The following COX10 variants were observed in gnomAD, a reference collection of about 807,000 sequenced individuals.
COX10 encodes the protein cytochrome c oxidase assembly factor heme A:farnesyltransferase COX10, also known as protoheme IX farnesyltransferase, mitochondrial.
In COX10, 27 loss-of-function variants were observed where a neutral mutation model predicts 37.3. The observed-to-expected ratio is 0.72, with a 90% CI of 0.53 to 1.00. COX10 has a LOEUF of 1.00. Ranked by LOEUF, COX10 falls within the 50% of genes least tolerant of loss-of-function variation. The pLI is 0.00. For missense variants in COX10, 475 were observed against 563.2 expected (o/e 0.84, Z 1.59); for synonymous variants, 222 against 229.1 (o/e 0.97, Z 0.28).
intron 3 of COX10, among the ~76,000 whole-genome samples, chr17:14,085,541 AT>A (rs1331702536): frequency 6.6e-6 from 1 of 151,872 alleles, no homozygotes; most frequent in Non-Finnish European, 1.5e-5. Context: ...CCTTTTACAT[AT>A]TTTTTTCTCA....
chr17:14,174,135 T>A, intron 5 of COX10, among the ~76,000 whole-genome samples: 1 of 150,308 alleles, frequency 6.7e-6, no homozygotes, highest in African/African-American at 2.4e-5. Context: ...TAGAAAGAAG[T>A]CTTAAACTCA....
intron 3 of COX10, among the ~76,000 whole-genome samples, chr17:14,095,657 G>A (rs978619930): frequency 2.0e-5 from 3 of 152,180 alleles, no homozygotes; most frequent in Admixed American, 2.0e-4. Flanking sequence ...CCTGCTCAGG[G>A]TCTAACCGGG....
chr17:14,180,945 T>C (rs190699120), intron 5 of COX10, among the ~76,000 whole-genome samples: 3 of 152,204 alleles, frequency 2.0e-5, no homozygotes, highest in Admixed American at 6.5e-5. Flanking sequence ...TAAAGATGAA[T>C]AGTGCAAAGT....
At chr17:14,149,137 T>A (rs1351408825) in intron 4 of COX10, among the ~76,000 whole-genome samples, 2 of 151,666 alleles carry the variant, frequency 1.3e-5, no homozygotes, top group East Asian at 3.9e-4. Context: ...GCCCTAGATT[T>A]TTGTCATGTG....
intron 5 of COX10, among the ~76,000 whole-genome samples, chr17:14,178,935 G>T (rs1905770347): frequency 6.6e-6 from 1 of 152,190 alleles, no homozygotes; most frequent in Admixed American, 6.5e-5. Context: ...AGTACCTAAG[G>T]CAAAGGGAAG....
chr17:14,112,906 G>A (rs1916035535), intron 4 of COX10, among the ~76,000 whole-genome samples: 2 of 152,146 alleles, frequency 1.3e-5, no homozygotes, highest in South Asian at 4.1e-4. Context: ...CAGGAGGGCA[G>A]GCCGAGAAGG....
intron 4 of COX10, among the ~76,000 whole-genome samples, chr17:14,154,780 G>A (rs968001717): frequency 6.6e-6 from 1 of 152,132 alleles, no homozygotes; most frequent in Admixed American, 6.5e-5. Flanking sequence ...CCCATTTGCC[G>A]CTGAGGAAAC....
chr17:14,139,542 G>A (rs1904478853), intron 4 of COX10, among the ~76,000 whole-genome samples: 1 of 152,122 alleles, frequency 6.6e-6, no homozygotes, highest in African/African-American at 2.4e-5. Flanking sequence ...AGTTTCACAT[G>A]AAATAACCTA....
At chr17:14,143,755 A>G (rs747956377) in intron 4 of COX10, among the ~76,000 whole-genome samples, 2 of 152,008 alleles carry the variant, frequency 1.3e-5, no homozygotes, top group Non-Finnish European at 2.9e-5. Context: ...TTAAAGGTGT[A>G]CTCTGTGTTC....
intron 5 of COX10, among the ~76,000 whole-genome samples, chr17:14,167,188 G>C (rs1343357783): frequency 6.6e-6 from 1 of 152,146 alleles, no homozygotes; most frequent in East Asian, 1.9e-4. Context: ...GCAAGAGAAT[G>C]AGAATTAGAA....
At chr17:14,069,702 C>T (rs1914966874) in intron 1 of COX10, 54 bp downstream of exon 1, 6 of 1,607,958 alleles carry the variant, frequency 3.7e-6, no homozygotes, top group African/African-American at 1.3e-5. Flanking sequence ...CTTATTACCA[C>T]GTGCGAGGCC....
chr17:14,176,717 T>A (rs942807139), intron 5 of COX10, among the ~76,000 whole-genome samples: 1 of 152,062 alleles, frequency 6.6e-6, no homozygotes, highest in Admixed American at 6.6e-5. Flanking sequence ...ATAAACTGAA[T>A]AAACTGCAGC....
At chr17:14,106,921 A>C (rs1346913474) in intron 4 of COX10, among the ~76,000 whole-genome samples, 1 of 152,194 alleles carries the variant, frequency 6.6e-6, no homozygotes, top group Non-Finnish European at 1.5e-5. Flanking sequence ...AATGTTTTAC[A>C]GTGCAGATGT....
chr17:14,084,288 A>G (rs1002339545), intron 3 of COX10, among the ~76,000 whole-genome samples: 1 of 152,100 alleles, frequency 6.6e-6, no homozygotes, highest in African/African-American at 2.4e-5. Context: ...ACTAAATGTT[A>G]TAGTATTATT....
intron 6 of COX10, among the ~76,000 whole-genome samples, chr17:14,203,643 T>G (rs1416913345): frequency 6.6e-6 from 1 of 152,234 alleles, no homozygotes; most frequent in African/African-American, 2.4e-5. Flanking sequence ...AAGGAGGAGC[T>G]GGTTCCTTCT....
chr17:14,155,403 G>A (rs1008294306), intron 4 of COX10, among the ~76,000 whole-genome samples: 6 of 151,538 alleles, frequency 4.0e-5, no homozygotes, highest in South Asian at 2.1e-4. Context: ...GGCTGCACAC[G>A]TAGTGGTTTT....
chr17:14,113,098 A>G (rs1017265555), intron 4 of COX10, among the ~76,000 whole-genome samples: 1 of 152,174 alleles, frequency 6.6e-6, no homozygotes, highest in South Asian at 2.1e-4. Flanking sequence ...TTCGCTGTCC[A>G]CGTCCGAACT....
At position 14,140,380 on chromosome 17, in the gene COX10, T is replaced by C. The variant is rs576168585; in HGVS notation, c.625-19497T>C. Among the ~76,000 whole-genome samples, 7 of 152,256 alleles carry C rather than the reference T, an allele frequency of 4.6e-5. No homozygotes were observed. The South Asian group carries it at 1.5e-3, about 32-fold the overall frequency. On this transcript the variant is annotated intron_variant, in intron 4 of 6. Coordinates refer to ENST00000261643, the MANE Select transcript of COX10 (RefSeq NM_001303.4). ...CATTTTTAATGACTGCCTCATATTCTATCAAGTTGTTTACCACATTTTAAT... is the reference window on the plus strand; with the variant it reads ...CATTTTTAATGACTGCCTCATATTCCATCAAGTTGTTTACCACATTTTAAT...
chr17:14,078,141 A>G (rs1326611787), intron 3 of COX10, among the ~76,000 whole-genome samples: 1 of 152,146 alleles, frequency 6.6e-6, no homozygotes, highest in Non-Finnish European at 1.5e-5. Flanking sequence ...CTGTGTGATA[A>G]GCTTGAAAAC....
Sources: gnomAD v4.1 joint callset for allele counts (sites outside exome capture counted in the v4.1 genomes callset) on GRCh38, gnomAD v4.1.1 for gene constraint, MANE v1.5 for transcripts, NCBI Gene and HGNC (gene_info 2026-07-23, HGNC 2026-07-21) for gene names.